TREH: variants seen among roughly 807,000 people sequenced by gnomAD.
TREH encodes the protein trehalase.
A neutral mutation model predicts 80.5 loss-of-function variants in TREH; 69 were observed. That is an observed-to-expected ratio of 0.86 (90% confidence interval 0.71 to 1.05). TREH has a LOEUF of 1.05. Ranked by LOEUF, TREH falls within the 50% of genes least tolerant of loss-of-function variation. The probability of loss-of-function intolerance (pLI) is 0.00; values close to 1 mark genes in which losing one functional copy is unlikely to be tolerated. For synonymous variants in TREH, 309 were observed against 293.5 expected, an observed-to-expected ratio of 1.05 and a Z score of -0.54; for missense variants, 716 against 718.8, an observed-to-expected ratio of 1.00 and a Z score of 0.04.
In TREH at chr11:118,661,738, G is replaced by A. The variant is rs574677437; in HGVS notation, c.525-9C>T. On this transcript the variant is annotated splice_polypyrimidine_tract_variant and intron_variant, in intron 5 of 14. Coordinates refer to ENST00000264029, the MANE Select transcript of TREH (RefSeq NM_007180.3). This position sits in a 1 kb window ranked among gnomAD's most constrained non-coding sequence, Gnocchi z 4.2. ...TGACCCAGTAGGAGTCCCTGGGGAA[G>A]GGGCAGCTTAGGCACCACCCTGCTG... is the stretch of plus-strand genomic sequence containing the variant. 1 of 1,613,754 alleles carries A rather than the reference G, an allele frequency of 6.2e-7. No homozygotes were observed. The highest frequency in any genetic ancestry group is 1.3e-5 in the African/African-American group (1 of 75,042).
At chr11:118,669,982 C>A (rs1555146064) in intron 1 of TREH, among the ~76,000 whole-genome samples, 1 of 151,584 alleles carries the variant, frequency 6.6e-6, no homozygotes, top group African/African-American at 2.4e-5. Context: ...AATATATATA[C>A]CTACTATGTA....
In TREH at chr11:118,658,299, A is replaced by C; in HGVS notation, c.1742T>G (p.Leu581Arg). The part of the protein sequence containing the change: ...TLLPSLLLSL[L>R]PW ...AGGAGAGGAGGGCTGTCACCATGGCAGGAGGCTGAGCAGGAGGCTGGGCAG... is the reference window on the plus strand; with the variant it reads ...AGGAGAGGAGGGCTGTCACCATGGCCGGAGGCTGAGCAGGAGGCTGGGCAG... The change falls in exon 15 of 15, where the codon CTG (leucine) becomes CGG (arginine). Residue 581 changes from leucine to arginine, a missense_variant. Leu to Arg is a moderately radical substitution (Grantham distance 102). Coordinates refer to ENST00000264029, the MANE Select transcript of TREH (RefSeq NM_007180.3). The C allele has an allele frequency of 6.3e-7, 1 of 1,586,620 alleles. No individual in the cohort carries two copies. The highest frequency in any genetic ancestry group is 2.3e-5 in the East Asian group (1 of 43,612).
At chr11:118,658,617 G>T in intron 14 of TREH, 63 bp downstream of exon 14, 1 of 1,547,310 alleles carries the variant, frequency 6.5e-7, no homozygotes, top group Non-Finnish European at 8.7e-7. Flanking sequence ...CTGGGGCGGG[G>T]GTCATGAGCA....
In TREH at chr11:118,659,967, G is replaced by A. The variant is rs1185373275; in HGVS notation, c.1103-3C>T. On this transcript the variant is annotated splice_polypyrimidine_tract_variant and splice_region_variant and intron_variant, in intron 10 of 14. Coordinates refer to ENST00000264029, the MANE Select transcript of TREH (RefSeq NM_007180.3). ...CTTCGTGGCCTGGGAGTCGTTCCCT[G>A]GGGCAGTGCTGCCTTTAGAGCCAGC... 1.3e-6 allele frequency: 2 copies of A among 1,550,806 alleles called. No homozygotes were observed. Among genetic ancestry groups the A allele is most frequent in the Non-Finnish European group, 1.7e-6 (2 of 1,146,986 alleles).
At chr11:118,662,427 A>T (rs1949334489) in intron 4 of TREH, among the ~76,000 whole-genome samples, 2 of 152,222 alleles carry the variant, frequency 1.3e-5, no homozygotes. Context: ...ATAAAACCCC[A>T]AACCCTTTCC....
intron 12 of TREH, 132 bp downstream of exon 12, chr11:118,659,238 C>T: frequency 1.1e-6 from 1 of 871,878 alleles, no homozygotes; most frequent in East Asian, 2.7e-5. Context: ...CAAGTGGAGG[C>T]CAGGAGAGCA....
rs782590281 is a variant in TREH at position 118,658,434 on chromosome 11, A to G, written c.1607T>C (p.Phe536Ser). 18 of 1,610,994 alleles carry G rather than the reference A, an allele frequency of 1.1e-5. No homozygotes were observed. The highest frequency in any genetic ancestry group is 2.2e-5 in the East Asian group (1 of 44,876). Residue 536 changes from phenylalanine to serine, a missense_variant, in exon 15 of 15, where the codon TTT (phenylalanine) becomes TCT (serine). Coordinates refer to ENST00000264029, the MANE Select transcript of TREH (RefSeq NM_007180.3). ...GGGEYEVQEG[F>S]GWTNGVVLML... ...CAGGACCACGCCATTCGTCCAGCCA[A>G]ATCCCTCCTGGGAGAGGCAGGGCAG... is the stretch of plus-strand genomic sequence containing the variant.
rs1162240800 is a variant in TREH at position 118,674,534 on chromosome 11, T to TTTTTG, written c.89+5000_89+5004dup. 3.3e-5 allele frequency among the ~76,000 whole-genome samples: 5 copies of TTTTTG among 152,024 alleles called. No individual in the cohort carries two copies. The highest frequency in any genetic ancestry group is 2.0e-4 in the Admixed American group (3 of 15,250). ...AAAACCTGTTCAAGCGCATACCACT[T>TTTTTG]TTTTGTTTTGTTTTGTTTTGTTTTT... is the stretch of plus-strand genomic sequence containing the variant. On this transcript the variant is annotated intron_variant, in intron 1 of 14. Transcript: ENST00000264029. The surrounding 1 kb of genome is among the most constrained non-coding windows in gnomAD (Gnocchi z 4.4).
rs373030612 is a variant in TREH, at chr11:118,658,748, G to A, written c.1546-15C>T. 27 of 1,608,472 alleles carry A rather than the reference G, an allele frequency of 1.7e-5. No homozygotes were observed. The highest frequency in any genetic ancestry group is 9.4e-5 in the African/African-American group (7 of 74,798). On this transcript the variant is annotated splice_polypyrimidine_tract_variant and intron_variant, in intron 13 of 14. Coordinates refer to ENST00000264029, the MANE Select transcript of TREH (RefSeq NM_007180.3). The stretch of plus-strand genomic sequence containing the variant: ...CTGACGTCATACTGGGGACAAGCGG[G>A]TGGGCTGTATGTCAGGTACTGCCCC...
chr11:118,666,934 G>A (rs1039745942), intron 1 of TREH, among the ~76,000 whole-genome samples: 29 of 151,966 alleles, frequency 1.9e-4, no homozygotes, highest in African/African-American at 6.8e-4. Flanking sequence ...CCAGGCTGGA[G>A]TACAATGGCA....
At chr11:118,673,918 A>G (rs947041080) in intron 1 of TREH, among the ~76,000 whole-genome samples, 4 of 152,210 alleles carry the variant, frequency 2.6e-5, no homozygotes, top group South Asian at 2.1e-4. Flanking sequence ...TTGTTGGTCA[A>G]TCGAGAGCTG....
Position 118,659,903 on chromosome 11 carries a change from GT to G in TREH, c.1163del (p.Asn388ThrfsTer49), listed in dbSNP as rs781960542. The G allele has an allele frequency of 3.9e-6, 6 of 1,551,668 alleles. No homozygotes were observed. Among genetic ancestry groups the G allele is most frequent in the South Asian group, 1.2e-5 (1 of 84,072 alleles). On this transcript the variant is annotated frameshift_variant, in exon 11 of 15. Coordinates refer to ENST00000264029, the MANE Select transcript of TREH (RefSeq NM_007180.3). LOFTEE classifies it high-confidence loss of function. ...ILRSQRLAALNTVLWDEQTGA... is the reference protein window; with the variant it reads ...ILRSQRLAALXTVLWDEQTGA... ...CGGTCTGCTCATCCCACAGGACTGT[GT>G]TCAGGGCGGCCAAGCGCTGCGACCG...
Position 118,664,818 on chromosome 11 carries a change from G to A in TREH, c.90-1379C>T, listed in dbSNP as rs544635053. 3.1e-4 allele frequency among the ~76,000 whole-genome samples: 47 copies of A among 152,282 alleles called. 1 individual carries two copies. Among genetic ancestry groups the A allele is most frequent in the African/African-American group, 1.1e-3 (47 of 41,554 alleles). The stretch of plus-strand genomic sequence containing the variant: ...GGGTGGCTTACATACCTTCAAAAAT[G>A]TGTGCTCTGGCCGGGCACAGTGGCT... On this transcript the variant is annotated intron_variant, in intron 1 of 14. Transcript: ENST00000264029.
In TREH at chr11:118,659,687, C is replaced by G. The variant is rs577377304; in HGVS notation, c.1320+60G>C. The G allele has an allele frequency of 2.3e-5, 36 of 1,539,862 alleles. No individual in the cohort carries two copies. In the African/African-American group the frequency reaches 4.1e-4, roughly 18 times the overall value. ...AGCGCCCTCCCCTGCAGGTCCTGTT[C>G]AGGGTCGGGAGGGGGCGGTGCTGCC... On this transcript the variant is annotated intron_variant, in intron 11 of 14. Coordinates refer to ENST00000264029, the MANE Select transcript of TREH (RefSeq NM_007180.3).
In TREH at chr11:118,661,724, G is replaced by A. The variant is rs1555145026; in HGVS notation, c.530C>T (p.Ser177Phe). The change falls in exon 6 of 15, where the codon TCC (serine) becomes TTC (phenylalanine). Residue 177 changes from serine (S) to phenylalanine (F), a missense_variant. Coordinates refer to ENST00000264029, the MANE Select transcript of TREH (RefSeq NM_007180.3). The surrounding 1 kb of genome is among the most constrained non-coding windows in gnomAD (Gnocchi z 4.2). ...GAGCAGACCCTCCATGACCCAGTAG[G>A]AGTCCCTGGGGAAGGGGCAGCTTAG... ...GRFVEFYYWDSYWVMEGLLLS... is the reference protein window; with the variant it reads ...GRFVEFYYWDFYWVMEGLLLS... The A allele has an allele frequency of 3.1e-6, 5 of 1,613,876 alleles. No homozygotes were observed. Among genetic ancestry groups the A allele is most frequent in the South Asian group, 2.2e-5 (2 of 91,082 alleles).
chr11:118,675,035 A>G (rs1473798572), intron 1 of TREH, among the ~76,000 whole-genome samples: 2 of 151,362 alleles, frequency 1.3e-5, no homozygotes, highest in African/African-American at 2.4e-5. Context: ...TCTTCTTAGT[A>G]TACATTTCCC....
At position 118,659,421 on chromosome 11, in the gene TREH, G is replaced by T. The variant is rs1555144329; in HGVS notation, c.1381C>A (p.Gln461Lys). ...GCCCAGGCATTGGGGAAATCCCACTGCTGGCCTGTCTTCTGGAGAGAGGTC... is the reference window on the plus strand; with the variant it reads ...GCCCAGGCATTGGGGAAATCCCACTTCTGGCCTGTCTTCTGGAGAGAGGTC... ...IPTSLQKTGQ[Q>K]WDFPNAWAPL... The change falls in exon 12 of 15, where the codon CAG becomes AAG. Residue 461 changes from glutamine (Q) to lysine (K), a missense_variant. Transcript: ENST00000264029. 6.2e-7 allele frequency: 1 copy of T among 1,607,158 alleles called. No homozygotes were observed. Among genetic ancestry groups the T allele is most frequent in the African/African-American group, 1.3e-5 (1 of 74,780 alleles).
chr11:118,658,295 T>C lies in TREH; in HGVS notation c.1746A>G (p.Pro582=), dbSNP rs1949232907. The C allele has an allele frequency of 2.5e-6, 4 of 1,585,784 alleles. No homozygotes were observed. Among genetic ancestry groups the C allele is most frequent in the African/African-American group, 1.3e-5 (1 of 74,356 alleles). The part of the protein sequence containing the change: ...LLPSLLLSLL[P]W ...GGTGAGGAGAGGAGGGCTGTCACCA[T>C]GGCAGGAGGCTGAGCAGGAGGCTGG... The change falls in exon 15 of 15, where the codon CCA becomes CCG. Residue 582 remains proline, a synonymous_variant. Transcript: ENST00000264029.
chr11:118,678,000 A>C (rs1409823666), intron 1 of TREH, among the ~76,000 whole-genome samples: 11 of 152,068 alleles, frequency 7.2e-5, no homozygotes, highest in African/African-American at 2.7e-4. Flanking sequence ...TCCCTGTAAC[A>C]CACACCCTCT....
Sources: allele counts gnomAD v4.1 joint callset (sites outside exome capture counted in the v4.1 genomes callset), GRCh38; gene constraint gnomAD v4.1.1; non-coding constraint Gnocchi (gnomAD v3.1); transcripts MANE v1.5; gene names NCBI Gene and HGNC (gene_info 2026-07-23, HGNC 2026-07-21).